DNAAF5: variants seen among roughly 807,000 people sequenced by gnomAD.
DNAAF5 encodes the protein dynein axonemal assembly factor 5, also known as HEAT repeat containing 2.
DNAAF5 carries 64 observed loss-of-function variants against 75.8 expected under a neutral mutation model. The observed-to-expected ratio is 0.84, with a 90% CI of 0.69 to 1.04. The LOEUF (loss-of-function observed/expected upper bound fraction) is 1.04, where lower values mean the gene tolerates loss of function less well. Among genes scored for constraint, DNAAF5 ranks in the 50% least tolerant of loss-of-function variants. DNAAF5 has a pLI of 0.00. For synonymous variants in DNAAF5, 657 were observed against 557.2 expected (o/e 1.18, Z -2.52); for missense variants, 1,269 against 1,178.5 (o/e 1.08, Z -1.12).
chr7:774,573 A>G lies in DNAAF5; in HGVS notation c.2082+375A>G, dbSNP rs1407555995. Reference sequence around the variant, plus strand: ...CTGGGCTTTCCGCATCGTTTCTATGAACACCTCCGGCTGGTACCAGGTGTC... The same window carrying G: ...CTGGGCTTTCCGCATCGTTTCTATGGACACCTCCGGCTGGTACCAGGTGTC... On this transcript the variant is annotated intron_variant, in intron 10 of 12. Transcript: ENST00000297440. Among the ~76,000 whole-genome samples the G allele has an allele frequency of 4.9e-4, 65 of 133,310 alleles. 2 individuals are homozygous for G. The highest frequency in any genetic ancestry group is 3.3e-5 in the Non-Finnish European group (2 of 60,034). 87.5% of individuals were successfully genotyped at this position (133,310 alleles called of 152,430 possible). A position where few individuals can be genotyped will look rare whatever the true frequency, so the allele number is the denominator to read the frequency against.
At chr7:753,693 G>A (rs576497658) in intron 4 of DNAAF5, among the ~76,000 whole-genome samples, 11 of 150,082 alleles carry the variant, frequency 7.3e-5, no homozygotes, top group Admixed American at 2.0e-4. Context: ...ATATGGGGAC[G>A]GCTTCGCAGG....
At chr7:757,141 C>T (rs760371949) in intron 6 of DNAAF5, 147 bp downstream of exon 6, 37 of 753,972 alleles carry the variant, frequency 4.9e-5, no homozygotes, top group African/African-American at 1.4e-4. Context: ...GGGTCCGCCC[C>T]GTGCCGCCAG....
At chr7:732,139 A>AG (rs1361357310) in intron 2 of DNAAF5, among the ~76,000 whole-genome samples, 1 of 152,232 alleles carries the variant, frequency 6.6e-6, no homozygotes, top group Non-Finnish European at 1.5e-5. Context: ...TGAGCCTCAG[A>AG]GCAAGGTCAG....
chr7:774,564 G>A (rs971176408), intron 10 of DNAAF5, among the ~76,000 whole-genome samples: 13 of 109,984 alleles, frequency 1.2e-4, no homozygotes, highest in African/African-American at 3.8e-4. Flanking sequence ...TTTCCGCATC[G>A]TTTCTATGAA....
intron 8 of DNAAF5, among the ~76,000 whole-genome samples, chr7:768,090 G>A (rs544347944): frequency 6.7e-6 from 1 of 149,788 alleles, no homozygotes; most frequent in African/African-American, 2.4e-5. Context: ...GCGAGCGGGA[G>A]CTCGCGCTGG....
Position 775,141 on chromosome 7 carries a change from A to G in DNAAF5, c.2218A>G (p.Lys740Glu). 1.9e-6 allele frequency: 3 copies of G among 1,614,154 alleles called. No individual in the cohort carries two copies. Among genetic ancestry groups the G allele is most frequent in the Non-Finnish European group, 2.5e-6 (3 of 1,180,010 alleles). ...KTSGGMTDPE[K>E]LIRIYPELLK... ...CTCGGGCGGCATGACGGATCCAGAG[A>G]AACTCATCAGGATTTATCCTGGTAG... is the stretch of plus-strand genomic sequence containing the variant. Residue 740 changes from lysine to glutamate, a missense_variant, in exon 11 of 13, where the codon AAA (lysine) becomes GAA (glutamate). By Grantham distance (56) the Lys-to-Glu change is moderately conservative. Coordinates refer to ENST00000297440, the MANE Select transcript of DNAAF5 (RefSeq NM_017802.4).
At chr7:777,410 AAAG>A (rs1418354329) in intron 11 of DNAAF5, among the ~76,000 whole-genome samples, 1 of 152,190 alleles carries the variant, frequency 6.6e-6, no homozygotes, top group African/African-American at 2.4e-5. Context: ...CAAAAAGCTA[AAAG>A]AACAACATCC....
At chr7:769,290 C>G in intron 8 of DNAAF5, 1 of 693,058 alleles carries the variant, frequency 1.4e-6, no homozygotes, top group Non-Finnish European at 2.7e-6. Flanking sequence ...CGGCCCCAAC[C>G]CAGTCCCCAC....
chr7:727,404 T>A, intron 1 of DNAAF5, 89 bp downstream of exon 1: 1 of 535,612 alleles, frequency 1.9e-6, no homozygotes, highest in Non-Finnish European at 2.3e-6. Flanking sequence ...CCCCCGCGGC[T>A]CGGCCCCGCC....
At chr7:775,709 A>G (rs535497446) in intron 11 of DNAAF5, among the ~76,000 whole-genome samples, 33 of 152,368 alleles carry the variant, frequency 2.2e-4, no homozygotes, top group African/African-American at 7.2e-4. Flanking sequence ...TGAAGAAAGC[A>G]TCATGTACAC....
At chr7:760,762 A>C (rs1344588371) in intron 6 of DNAAF5, among the ~76,000 whole-genome samples, 1 of 152,234 alleles carries the variant, frequency 6.6e-6, no homozygotes, top group East Asian at 1.9e-4. Context: ...TGGCTGATTC[A>C]CAGTGGATGA....
At chr7:743,356 CAG>C (rs1317148673) in intron 4 of DNAAF5, among the ~76,000 whole-genome samples, 2 of 145,778 alleles carry the variant, frequency 1.4e-5, no homozygotes, top group African/African-American at 2.5e-5. Flanking sequence ...GCCTGGGTGA[CAG>C]AGTGAGACCC....
chr7:739,178 A>G (rs565029398), intron 2 of DNAAF5, among the ~76,000 whole-genome samples: 1 of 124,792 alleles, frequency 8.0e-6, no homozygotes, highest in South Asian at 3.3e-4. Flanking sequence ...CTGCCCCATC[A>G]CTGTATACCT....
chr7:782,576 G>C (rs1202692776), intron 12 of DNAAF5, among the ~76,000 whole-genome samples: 19 of 130,798 alleles, frequency 1.5e-4, no homozygotes, highest in Non-Finnish European at 1.6e-4. Flanking sequence ...CAGAAACTCG[G>C]ATCTTCCCGG....
intron 8 of DNAAF5, among the ~76,000 whole-genome samples, chr7:767,673 C>G (rs540417266): frequency 2.0e-5 from 3 of 152,076 alleles, no homozygotes; most frequent in African/African-American, 4.8e-5. Context: ...GTGCTGCAAG[C>G]AGGAACTCGC....
At chr7:740,789 C>G in intron 2 of DNAAF5, 30 bp from the exon 3 acceptor site, 1 of 1,611,814 alleles carries the variant, frequency 6.2e-7, no homozygotes, top group Non-Finnish European at 8.5e-7. Flanking sequence ...TTTGCCTACA[C>G]GAATCCTTAT....
intron 9 of DNAAF5, among the ~76,000 whole-genome samples, chr7:773,245 T>C (rs947396462): frequency 6.6e-6 from 1 of 152,242 alleles, no homozygotes; most frequent in African/African-American, 2.4e-5. Flanking sequence ...TCTGCTCATC[T>C]ACCTGGCTGG....
In DNAAF5 at chr7:728,740, G is replaced by T. The variant is rs114907167; in HGVS notation, c.596-923G>T. ...CCCAGCCCCAAGCGCAGCCTGCTGG[G>T]GTATGTGCTCACTGGTTGCTGTGGG... On this transcript the variant is annotated intron_variant, in intron 1 of 12. Transcript: ENST00000297440. Among the ~76,000 whole-genome samples the T allele has an allele frequency of 5.8e-3, 886 of 152,328 alleles. 11 individuals are homozygous for T. Among genetic ancestry groups the T allele is most frequent in the African/African-American group, 0.02 (839 of 41,576 alleles).
At chr7:761,210 G>A (rs1374434174) in intron 6 of DNAAF5, among the ~76,000 whole-genome samples, 1 of 151,892 alleles carries the variant, frequency 6.6e-6, no homozygotes, top group Non-Finnish European at 1.5e-5. Context: ...CAACAAGCAC[G>A]CCCTTTTATG....
Sources: gnomAD v4.1 joint callset for allele counts (sites outside exome capture counted in the v4.1 genomes callset) on GRCh38, gnomAD v4.1.1 for gene constraint, MANE v1.5 for transcripts, NCBI Gene and HGNC (gene_info 2026-07-23, HGNC 2026-07-21) for gene names.